B3GALT1: variants seen among roughly 807,000 people sequenced by gnomAD.
The protein encoded by B3GALT1 is beta-1,3-galactosyltransferase 1, also known as UDP-Gal:betaGlcNAc beta 1,3-galactosyltransferase, polypeptide 1.
In B3GALT1, 10 loss-of-function variants were observed where a neutral mutation model predicts 23.2. The ratio of observed to expected loss-of-function variants is 0.43; its 90% CI spans 0.27 to 0.73. The LOEUF (loss-of-function observed/expected upper bound fraction) is 0.73. Ranked by LOEUF, B3GALT1 falls within the 30% of genes least tolerant of loss-of-function variation. B3GALT1 has a pLI of 0.21. For missense variants in B3GALT1, 299 were observed against 405.4 expected, an observed-to-expected ratio of 0.74 and a Z score of 2.25; for synonymous variants, 156 against 141.5, an observed-to-expected ratio of 1.10 and a Z score of -0.73.
chr2:167,328,577 TTTTA>T (rs1206708369), intron 1 of B3GALT1, among the ~76,000 whole-genome samples: 4 of 152,218 alleles, frequency 2.6e-5, no homozygotes, highest in African/African-American at 7.2e-5. Context: ...TTATTTCTGA[TTTTA>T]TTTGTTTCTT....
At chr2:167,746,547 G>T (rs1353052114) in intron 3 of B3GALT1, among the ~76,000 whole-genome samples, 1 of 152,142 alleles carries the variant, frequency 6.6e-6, no homozygotes, top group African/African-American at 2.4e-5. Flanking sequence ...GAATTCTTTT[G>T]CTGTTGAACA....
At chr2:167,525,267 G>A (rs1256324080) in intron 2 of B3GALT1, among the ~76,000 whole-genome samples, 4 of 152,042 alleles carry the variant, frequency 2.6e-5, no homozygotes, top group African/African-American at 4.8e-5. Flanking sequence ...GTGTTTTGCT[G>A]TAGTTTTTTT....
chr2:167,755,412 A>G (rs1398220296), intron 3 of B3GALT1, among the ~76,000 whole-genome samples: 2 of 150,078 alleles, frequency 1.3e-5, no homozygotes, highest in Admixed American at 1.3e-4. Context: ...GGCCTCCTAT[A>G]CTCTTCTCCC....
At chr2:167,444,017 C>T (rs1698940601) in intron 1 of B3GALT1, among the ~76,000 whole-genome samples, 1 of 151,928 alleles carries the variant, frequency 6.6e-6, no homozygotes, top group East Asian at 1.9e-4. Context: ...TTTTAGATAG[C>T]TCTTATTATT....
At chr2:167,703,991 C>A (rs1281223270) in intron 3 of B3GALT1, among the ~76,000 whole-genome samples, 1 of 151,922 alleles carries the variant, frequency 6.6e-6, no homozygotes, top group Non-Finnish European at 1.5e-5. Flanking sequence ...ACCTTCCTGG[C>A]TAACACGGTG....
intron 3 of B3GALT1, among the ~76,000 whole-genome samples, chr2:167,796,470 A>G (rs780573811): frequency 4.6e-5 from 7 of 152,176 alleles, no homozygotes; most frequent in African/African-American, 7.2e-5. Flanking sequence ...TTTATAGGCC[A>G]GGTATGGTGG....
chr2:167,414,196 G>C (rs559676387), intron 1 of B3GALT1, among the ~76,000 whole-genome samples: 1 of 152,218 alleles, frequency 6.6e-6, no homozygotes, highest in South Asian at 2.1e-4. Flanking sequence ...CTAGACAGCT[G>C]TGCAGAAGTA....
rs1408922508 is a variant in B3GALT1 at position 167,662,108 on chromosome 2, C to A, written c.-352+15142C>A. On this transcript the variant is annotated intron_variant, in intron 3 of 4. Coordinates refer to ENST00000392690, the MANE Select transcript of B3GALT1 (RefSeq NM_020981.4). ...AAAAGCAGCAAGTTTTTCAGCAAGA[C>A]AGAGAATTACAACAAAGAGAAACAA... Among the ~76,000 whole-genome samples the A allele has an allele frequency of 8.7e-5, 13 of 148,792 alleles. No homozygotes were observed. The East Asian group carries it at 2.5e-3, about 29-fold the overall frequency.
rs185687849 is a variant in B3GALT1, at chr2:167,558,752, G to A, written c.-410+68475G>A. Among the ~76,000 whole-genome samples, 54 of 152,324 alleles carry A rather than the reference G, an allele frequency of 3.5e-4. No homozygotes were observed. In the East Asian group the frequency reaches 9.8e-3, roughly 28 times the overall value. On this transcript the variant is annotated intron_variant, in intron 2 of 4. Transcript: ENST00000392690. ...AACTGCAAGGTGGCAGCGAGGCTGG[G>A]GGAGGGGCGCCCACCATTGCCCAGG...
chr2:167,494,508 T>C (rs779707556), intron 2 of B3GALT1, among the ~76,000 whole-genome samples: 4 of 152,096 alleles, frequency 2.6e-5, no homozygotes, highest in Non-Finnish European at 5.9e-5. Flanking sequence ...AATAAAACTA[T>C]GTCAAAGAAA....
chr2:167,760,103 C>G (rs868106573), intron 3 of B3GALT1, among the ~76,000 whole-genome samples: 78 of 152,230 alleles, frequency 5.1e-4, no homozygotes, highest in African/African-American at 1.9e-3. Flanking sequence ...TAGAGAAGAA[C>G]TTGAGAGTTC....
At chr2:167,764,945 T>C (rs1405236059) in intron 3 of B3GALT1, among the ~76,000 whole-genome samples, 1 of 152,148 alleles carries the variant, frequency 6.6e-6, no homozygotes, top group African/African-American at 2.4e-5. Flanking sequence ...ATGAGCTCTT[T>C]CTTTAGGTAT....
chr2:167,757,076 A>G (rs1378133083), intron 3 of B3GALT1, among the ~76,000 whole-genome samples: 1 of 152,190 alleles, frequency 6.6e-6, no homozygotes, highest in African/African-American at 2.4e-5. Context: ...CTCATCTATT[A>G]TACGGGACTA....
chr2:167,853,136 G>C (rs754748687), intron 4 of B3GALT1, among the ~76,000 whole-genome samples: 1 of 152,148 alleles, frequency 6.6e-6, no homozygotes, highest in Non-Finnish European at 1.5e-5. Flanking sequence ...AAAAAATGAT[G>C]TAGGTATGGT....
chr2:167,465,106 T>C (rs1250055682), intron 1 of B3GALT1, among the ~76,000 whole-genome samples: 7 of 152,214 alleles, frequency 4.6e-5, no homozygotes, highest in African/African-American at 1.7e-4. Context: ...TAAGCTGTAA[T>C]GTGAAGAGGA....
At chr2:167,381,087 A>G (rs893757364) in intron 1 of B3GALT1, among the ~76,000 whole-genome samples, 2 of 152,154 alleles carry the variant, frequency 1.3e-5, no homozygotes, top group Admixed American at 6.5e-5. Context: ...TTATTTGTTC[A>G]GACAGGGTTT....
chr2:167,607,108 TG>T (rs1186153154), intron 2 of B3GALT1, among the ~76,000 whole-genome samples: 1 of 152,190 alleles, frequency 6.6e-6, no homozygotes, highest in Admixed American at 6.5e-5. Flanking sequence ...AAGGTTAAGC[TG>T]AATTAACAAG....
At chr2:167,420,455 A>G (rs953264507) in intron 1 of B3GALT1, among the ~76,000 whole-genome samples, 9 of 152,206 alleles carry the variant, frequency 5.9e-5, no homozygotes, top group Non-Finnish European at 1.2e-4. Context: ...TTCAACATAC[A>G]GTTACCAAAG....
At chr2:167,695,862 C>T (rs1686783912) in intron 3 of B3GALT1, among the ~76,000 whole-genome samples, 1 of 152,086 alleles carries the variant, frequency 6.6e-6, no homozygotes, top group Admixed American at 6.6e-5. Flanking sequence ...ACGATGGCTA[C>T]CGTTGCTCCC....
Sources: allele counts gnomAD v4.1 joint callset (sites outside exome capture counted in the v4.1 genomes callset), GRCh38; gene constraint gnomAD v4.1.1; transcripts MANE v1.5; gene names NCBI Gene and HGNC (gene_info 2026-07-23, HGNC 2026-07-21).